AP3S2: variants seen among roughly 807,000 people sequenced by gnomAD.
The protein encoded by AP3S2 is AP-3 complex subunit sigma-2.
A neutral mutation model predicts 23.4 loss-of-function variants in AP3S2; 22 were observed. The ratio of observed to expected loss-of-function variants is 0.94; its 90% confidence interval spans 0.67 to 1.34. AP3S2 has a LOEUF of 1.34. Ranked by LOEUF, AP3S2 falls within the 40% of genes most tolerant of loss-of-function variation. The pLI is 0.00. For synonymous variants in AP3S2, 86 were observed against 87.1 expected (o/e 0.99, Z 0.07); for missense variants, 241 against 236.9 (o/e 1.02, Z -0.11).
chr15:89,871,882 G>A (rs998492420), intron 3 of AP3S2, among the ~76,000 whole-genome samples: 2 of 152,100 alleles, frequency 1.3e-5, no homozygotes, highest in African/African-American at 2.4e-5. Context: ...CCCAAGGCAG[G>A]AGGATCACTT....
At chr15:89,842,644 C>T (rs772273564) in intron 4 of AP3S2, among the ~76,000 whole-genome samples, 29 of 152,210 alleles carry the variant, frequency 1.9e-4, no homozygotes, top group Non-Finnish European at 3.7e-4. Context: ...GACGGAGTCT[C>T]GCTCTGTTGC....
chr15:89,865,999 C>G (rs1472452678), intron 4 of AP3S2, among the ~76,000 whole-genome samples: 2 of 152,068 alleles, frequency 1.3e-5, no homozygotes, highest in African/African-American at 4.8e-5. Flanking sequence ...GGCTCACTCA[C>G]GCCTGTAATT....
intron 4 of AP3S2, among the ~76,000 whole-genome samples, chr15:89,861,122 T>C (rs1386634651): frequency 6.6e-6 from 1 of 152,222 alleles, no homozygotes; most frequent in African/African-American, 2.4e-5. Context: ...CCAATATTAC[T>C]GTTTATGATC....
At chr15:89,867,631 C>T (rs1421758694) in intron 4 of AP3S2, among the ~76,000 whole-genome samples, 1 of 131,528 alleles carries the variant, frequency 7.6e-6, no homozygotes, top group East Asian at 2.5e-4. Flanking sequence ...GGCCGCCCAT[C>T]GTCTGAGATG....
intron 3 of AP3S2, among the ~76,000 whole-genome samples, chr15:89,873,954 C>T (rs1383150166): frequency 7.7e-6 from 1 of 130,658 alleles, no homozygotes; most frequent in African/African-American, 2.9e-5. Flanking sequence ...GATCTCAGAA[C>T]ACTGCAGCCT....
chr15:89,867,641 G>A (rs1204206997), intron 4 of AP3S2, among the ~76,000 whole-genome samples: 2 of 133,850 alleles, frequency 1.5e-5, no homozygotes, highest in Non-Finnish European at 3.2e-5. Context: ...CGTCTGAGAT[G>A]TGGGGAGCGC....
In AP3S2 at chr15:89,835,224, A is replaced by G. The variant is rs148489207; in HGVS notation, c.*291T>C. ...ATCCATGTGAGAGGTAAAGGTGCAA[A>G]TGACTTGGGCATGTTGACTCCCTAC... On this transcript the variant is annotated 3_prime_UTR_variant, in exon 6 of 6. Coordinates refer to ENST00000336418, the MANE Select transcript of AP3S2 (RefSeq NM_005829.5). 9.3e-4 allele frequency: 459 copies of G among 492,582 alleles called. 2 individuals carry two copies. In the South Asian group the frequency reaches 0.011, roughly 12 times the overall value. 30.5% of individuals were successfully genotyped at this position (492,582 alleles called of 1,614,324 possible).
intron 3 of AP3S2, among the ~76,000 whole-genome samples, chr15:89,885,091 T>C (rs1408740835): frequency 6.6e-6 from 1 of 152,210 alleles, no homozygotes; most frequent in Non-Finnish European, 1.5e-5. Context: ...TTTAAAAAAT[T>C]CTACTGTGAC....
intron 4 of AP3S2, among the ~76,000 whole-genome samples, chr15:89,841,577 C>T (rs1483945022): frequency 2.6e-5 from 4 of 152,216 alleles, no homozygotes; most frequent in Non-Finnish European, 5.9e-5. Flanking sequence ...ACGCAAGCTA[C>T]ATTTGCCTCA....
chr15:89,850,605 T>C (rs1895624838), intron 4 of AP3S2: 1 of 153,666 alleles, frequency 6.5e-6, no homozygotes, highest in South Asian at 2.0e-4. Flanking sequence ...TCATTTCCTT[T>C]TTGTTTTTGG....
intron 4 of AP3S2, among the ~76,000 whole-genome samples, chr15:89,867,360 T>G (rs1896158841): frequency 6.6e-6 from 1 of 151,548 alleles, no homozygotes; most frequent in Non-Finnish European, 1.5e-5. Flanking sequence ...CTCAGCTCAC[T>G]ACAACCTACA....
Position 89,835,184 on chromosome 15 carries a change from C to A in AP3S2, c.*331G>T. The A allele has an allele frequency of 2.4e-6, 1 of 413,246 alleles. No homozygotes were observed. The highest frequency in any genetic ancestry group is 4.3e-6 in the Non-Finnish European group (1 of 232,846). The allele number at this position is 413,246 out of a possible 1,614,324, so 25.6% of individuals were successfully genotyped here. A position where few individuals can be genotyped will look rare whatever the true frequency, so the allele number is the denominator to read the frequency against. On this transcript the variant is annotated 3_prime_UTR_variant, in exon 6 of 6. Coordinates refer to ENST00000336418, the MANE Select transcript of AP3S2 (RefSeq NM_005829.5). ...CAGGTGGGCCTGCTCAATGCAGTCC[C>A]TAACCCTTGGGAGCATCCATGTGAG...
intron 3 of AP3S2, among the ~76,000 whole-genome samples, chr15:89,874,730 TATC>T (rs1376253725): frequency 2.6e-5 from 4 of 152,184 alleles, no homozygotes; most frequent in African/African-American, 9.6e-5. Flanking sequence ...TGCAGTGAAT[TATC>T]ATTGCACCAC....
chr15:89,847,930 C>G (rs1393254937), intron 4 of AP3S2, among the ~76,000 whole-genome samples: 2 of 152,220 alleles, frequency 1.3e-5, no homozygotes, highest in African/African-American at 4.8e-5. Context: ...ATGAACAATA[C>G]TGTTTCTATA....
At position 89,830,686 on chromosome 15, in the gene AP3S2, C is replaced by G. The variant is rs549166727; in HGVS notation, c.*4829G>C. The G allele has an allele frequency of 1.3e-5, 2 of 152,420 alleles. No homozygotes were observed. Among genetic ancestry groups the G allele is most frequent in the African/African-American group, 4.8e-5 (2 of 41,592 alleles). 9.4% of individuals were successfully genotyped at this position (152,420 alleles called of 1,614,324 possible). ...ATGCAGCACTGAACACGAGACAAGCCCCTGCCCTGGAGGGGCTTACATCCC... is the reference window on the plus strand; with the variant it reads ...ATGCAGCACTGAACACGAGACAAGCGCCTGCCCTGGAGGGGCTTACATCCC... On this transcript the variant is annotated 3_prime_UTR_variant, in exon 6 of 6. Coordinates refer to ENST00000336418, the MANE Select transcript of AP3S2 (RefSeq NM_005829.5).
Position 89,837,634 on chromosome 15 carries a change from T to C in AP3S2, c.434A>G (p.Asn145Ser), listed in dbSNP as rs767390636. 6.2e-7 allele frequency: 1 copy of C among 1,614,150 alleles called. No individual in the cohort carries two copies. Among genetic ancestry groups the C allele is most frequent in the Admixed American group, 1.7e-5 (1 of 60,016 alleles). The change falls in exon 5 of 6, where the codon AAC (asparagine) becomes AGC (serine). Residue 145 changes from asparagine (N) to serine (S), a missense_variant. Coordinates refer to ENST00000336418, the MANE Select transcript of AP3S2 (RefSeq NM_005829.5). ...NEIVAQIEAQNRLEKSEGGLS... is the reference protein window; with the variant it reads ...NEIVAQIEAQSRLEKSEGGLS... ...ACTCACCTCGGATTTCTCCAGCCTG[T>C]TTTGAGCCTCAATCTGAGCCACGAT...
chr15:89,856,770 G>A (rs568330367), intron 4 of AP3S2, among the ~76,000 whole-genome samples: 1 of 150,316 alleles, frequency 6.7e-6, no homozygotes, highest in Non-Finnish European at 1.5e-5. Flanking sequence ...CTACTCAGGA[G>A]GCTGAGGCAT....
In AP3S2 at chr15:89,835,576, G is replaced by T. The variant is rs1895168783; in HGVS notation, c.521C>A (p.Pro174His). Residue 174 changes from proline to histidine, a missense_variant, in exon 6 of 6, where the codon CCT becomes CAT. Pro to His is a moderately conservative substitution (Grantham distance 77). Transcript: ENST00000336418. ...AVKNINLPEIPRNINIGDLNI... is the reference protein window; with the variant it reads ...AVKNINLPEIHRNINIGDLNI... Reference sequence around the variant, plus strand: ...GAGATCGCCAATGTTGATGTTCCGAGGAATCTCTGGCAGGTTGATGTTTTT... The same window carrying T: ...GAGATCGCCAATGTTGATGTTCCGATGAATCTCTGGCAGGTTGATGTTTTT... 1.2e-6 allele frequency: 2 copies of T among 1,613,794 alleles called. No individual in the cohort carries two copies. The highest frequency in any genetic ancestry group is 2.7e-5 in the African/African-American group (2 of 74,834).
chr15:89,860,927 T>C (rs1895997277), intron 4 of AP3S2, among the ~76,000 whole-genome samples: 2 of 152,206 alleles, frequency 1.3e-5, no homozygotes, highest in African/African-American at 4.8e-5. Flanking sequence ...GAATACCTTA[T>C]TCTTCCAGAC....
Sources: allele counts gnomAD v4.1 joint callset (sites outside exome capture counted in the v4.1 genomes callset), GRCh38; gene constraint gnomAD v4.1.1; transcripts MANE v1.5; gene names NCBI Gene and HGNC (gene_info 2026-07-23, HGNC 2026-07-21).